Variants in DOCK3 observed in about 807,000 individuals in gnomAD.
The protein encoded by DOCK3 is dedicator of cytokinesis protein 3.
DOCK3 carries 60 observed loss-of-function variants against 265.6 expected under a neutral mutation model. The observed-to-expected ratio is 0.23, with a 90% CI of 0.18 to 0.28. The LOEUF is 0.28. Ranked by LOEUF, DOCK3 falls within the 10% of genes least tolerant of loss-of-function variation. The pLI, the probability that DOCK3 is intolerant of heterozygous loss-of-function variation, is 1.00. For synonymous variants in DOCK3, 881 were observed against 938.0 expected (o/e 0.94, Z 1.11); for missense variants, 1,981 against 2,594.3 (o/e 0.76, Z 5.14).
chr3:50,822,996 G>A (rs2044535262), intron 2 of DOCK3, among the ~76,000 whole-genome samples: 1 of 152,068 alleles, frequency 6.6e-6, no homozygotes, highest in African/African-American at 2.4e-5. Context: ...TTTGAATATT[G>A]TCACAGAATT....
intron 1 of DOCK3, among the ~76,000 whole-genome samples, chr3:50,772,069 A>G (rs566033722): frequency 1.3e-5 from 2 of 152,346 alleles, no homozygotes; most frequent in Admixed American, 1.3e-4. Flanking sequence ...TGAATGGATA[A>G]AGAAAATGTG....
At chr3:50,847,514 A>G (rs1047823642) in intron 3 of DOCK3, among the ~76,000 whole-genome samples, 1 of 152,140 alleles carries the variant, frequency 6.6e-6, no homozygotes, top group African/African-American at 2.4e-5. Flanking sequence ...TGACTAGTCA[A>G]GTGTTGAGTT....
intron 5 of DOCK3, among the ~76,000 whole-genome samples, chr3:51,028,091 A>G (rs2079895259): frequency 6.6e-6 from 1 of 152,088 alleles, no homozygotes; most frequent in East Asian, 1.9e-4. Context: ...TTTCATGTTT[A>G]GAGCTCTCGA....
intron 38 of DOCK3, among the ~76,000 whole-genome samples, chr3:51,347,342 C>T (rs1358833124): frequency 6.6e-6 from 1 of 152,160 alleles, no homozygotes; most frequent in African/African-American, 2.4e-5. Context: ...GATCCAGTTT[C>T]AGCTTTCTAC....
chr3:51,054,496 A>G (rs2081126227), intron 5 of DOCK3, among the ~76,000 whole-genome samples: 1 of 152,162 alleles, frequency 6.6e-6, no homozygotes, highest in South Asian at 2.1e-4. Context: ...TTAGCCTAAA[A>G]GCTAATTTCT....
chr3:51,018,279 G>A (rs886150270), intron 5 of DOCK3, among the ~76,000 whole-genome samples: 6 of 151,554 alleles, frequency 4.0e-5, no homozygotes, highest in Non-Finnish European at 5.9e-5. Flanking sequence ...ACATTTCAGT[G>A]TAATTTTGTT....
chr3:51,257,913 T>A (rs1183390836), intron 22 of DOCK3, among the ~76,000 whole-genome samples: 1 of 152,186 alleles, frequency 6.6e-6, no homozygotes, highest in Non-Finnish European at 1.5e-5. Flanking sequence ...CTGACCAAGA[T>A]GGTGCTGATC....
At chr3:51,349,350 A>T (rs2085813740) in intron 39 of DOCK3, among the ~76,000 whole-genome samples, 1 of 152,174 alleles carries the variant, frequency 6.6e-6, no homozygotes, top group Non-Finnish European at 1.5e-5. Flanking sequence ...TTTGATGCAG[A>T]ATATTAAAAA....
intron 7 of DOCK3, among the ~76,000 whole-genome samples, chr3:51,082,052 T>C (rs1231685522): frequency 6.6e-6 from 1 of 151,614 alleles, no homozygotes; most frequent in African/African-American, 2.4e-5. Flanking sequence ...ATCAGGGAAG[T>C]GACAAGAAAC....
chr3:51,100,465 C>G (rs986095004), intron 9 of DOCK3, among the ~76,000 whole-genome samples: 1 of 152,128 alleles, frequency 6.6e-6, no homozygotes, highest in Non-Finnish European at 1.5e-5. Context: ...GAGAAGAGAG[C>G]AGGAAATGGG....
chr3:51,216,430 A>G (rs1207481587), intron 14 of DOCK3, among the ~76,000 whole-genome samples: 1 of 152,166 alleles, frequency 6.6e-6, no homozygotes, highest in Non-Finnish European at 1.5e-5. Flanking sequence ...AGGGATCATC[A>G]TATGATTTTC....
intron 12 of DOCK3, among the ~76,000 whole-genome samples, chr3:51,180,685 C>T (rs192334349): frequency 1.8e-3 from 269 of 152,222 alleles, no homozygotes; most frequent in Middle Eastern, 0.017. Flanking sequence ...TGCAAAGACC[C>T]TTTTTCCAAA....
At chr3:51,310,440 G>A in intron 28 of DOCK3, 114 bp downstream of exon 28, 1 of 924,992 alleles carries the variant, frequency 1.1e-6, no homozygotes, top group Admixed American at 2.3e-5. Context: ...CAGGGCCATG[G>A]GAACAGAGAG....
At chr3:50,819,551 C>T (rs148032309) in intron 2 of DOCK3, among the ~76,000 whole-genome samples, 5 of 152,294 alleles carry the variant, frequency 3.3e-5, no homozygotes, top group African/African-American at 1.2e-4. Flanking sequence ...AGTCAAAGCT[C>T]ACCAGAACCA....
intron 1 of DOCK3, among the ~76,000 whole-genome samples, chr3:50,690,405 G>GT (rs1437673169): frequency 6.6e-6 from 1 of 152,062 alleles, no homozygotes; most frequent in Non-Finnish European, 1.5e-5. Flanking sequence ...GAAAGCTGGA[G>GT]TTACAGGCAT....
intron 9 of DOCK3, among the ~76,000 whole-genome samples, chr3:51,110,655 C>T (rs1217541311): frequency 1.3e-5 from 2 of 152,166 alleles, no homozygotes; most frequent in Non-Finnish European, 2.9e-5. Context: ...GTTAAAAACT[C>T]TCAATGAACT....
At chr3:50,989,521 A>T (rs1303112862) in intron 5 of DOCK3, among the ~76,000 whole-genome samples, 5 of 152,214 alleles carry the variant, frequency 3.3e-5, no homozygotes, top group Non-Finnish European at 7.3e-5. Flanking sequence ...ACTGGATTAC[A>T]TCCCGAAGCT....
At chr3:50,800,139 T>A (rs1213072500) in intron 2 of DOCK3, among the ~76,000 whole-genome samples, 1 of 152,218 alleles carries the variant, frequency 6.6e-6, no homozygotes, top group Non-Finnish European at 1.5e-5. Context: ...TCAGGGATAT[T>A]GGCATGTAGT....
At chr3:50,959,531 T>G (rs985914109) in intron 5 of DOCK3, among the ~76,000 whole-genome samples, 12 of 111,814 alleles carry the variant, frequency 1.1e-4, no homozygotes, top group Non-Finnish European at 1.7e-4. Context: ...CTTTTTATGT[T>G]GTGTGTGTGT....
Sources: gnomAD v4.1 joint callset for allele counts (sites outside exome capture counted in the v4.1 genomes callset) on GRCh38, gnomAD v4.1.1 for gene constraint, MANE v1.5 for transcripts, NCBI Gene and HGNC (gene_info 2026-07-23, HGNC 2026-07-21) for gene names.